SPAG17: variants seen among roughly 807,000 people sequenced by gnomAD.
The protein encoded by SPAG17 is sperm-associated antigen 17.
In SPAG17, 169 loss-of-function variants were observed where a neutral mutation model predicts 273.6. That is an observed-to-expected ratio of 0.62 (90% CI 0.55 to 0.70). The LOEUF is 0.70. Among genes scored for constraint, SPAG17 ranks in the 30% least tolerant of loss-of-function variants. SPAG17 has a pLI of 0.00. For missense variants in SPAG17, 2,557 were observed against 2,627.8 expected, an observed-to-expected ratio of 0.97 and a Z score of 0.59; for synonymous variants, 825 against 873.2, an observed-to-expected ratio of 0.94 and a Z score of 0.97.
chr1:118,117,368 G>T (rs1657151479), intron 3 of SPAG17, among the ~76,000 whole-genome samples: 1 of 152,126 alleles, frequency 6.6e-6, no homozygotes, highest in Non-Finnish European at 1.5e-5. Context: ...TGTCTCTGGA[G>T]GTGATTTCTC....
chr1:118,171,232 T>G (rs575007438), intron 1 of SPAG17, among the ~76,000 whole-genome samples: 3 of 152,298 alleles, frequency 2.0e-5, no homozygotes, highest in African/African-American at 7.2e-5. Context: ...AAGGTCCATG[T>G]AAAATGTTAT....
chr1:118,015,777 C>T (rs2101800743), intron 29 of SPAG17, among the ~76,000 whole-genome samples, 188 bp downstream of exon 29: 1 of 152,268 alleles, frequency 6.6e-6, no homozygotes, highest in South Asian at 2.1e-4. Flanking sequence ...CTCCATTTGG[C>T]AAATACACCA....
At chr1:118,028,822 G>C (rs865986430) in intron 25 of SPAG17, among the ~76,000 whole-genome samples, 23 of 152,168 alleles carry the variant, frequency 1.5e-4, no homozygotes, top group African/African-American at 5.3e-4. Context: ...TTAAAGGTGG[G>C]GCAGTTTAGA....
intron 28 of SPAG17, among the ~76,000 whole-genome samples, chr1:118,020,870 A>G (rs1264744314): frequency 1.3e-5 from 2 of 152,168 alleles, no homozygotes; most frequent in Admixed American, 1.3e-4. Flanking sequence ...TAACATGAAA[A>G]TTATATAAAA....
At chr1:118,099,154 A>G (rs1655901134) in intron 6 of SPAG17, among the ~76,000 whole-genome samples, 1 of 152,204 alleles carries the variant, frequency 6.6e-6, no homozygotes, top group African/African-American at 2.4e-5. Flanking sequence ...TAAGGCTAGG[A>G]AGATAGCACC....
intron 44 of SPAG17, 86 bp from the exon 45 acceptor site, chr1:117,972,133 AT>A: frequency 8.4e-7 from 1 of 1,185,180 alleles, no homozygotes; most frequent in Non-Finnish European, 1.2e-6. Context: ...CCAGAGGAAA[AT>A]AACTGTTGGG....
intron 24 of SPAG17, among the ~76,000 whole-genome samples, chr1:118,033,690 C>A (rs1204053141): frequency 1.3e-5 from 2 of 152,226 alleles, no homozygotes; most frequent in Non-Finnish European, 2.9e-5. Flanking sequence ...TCTTCACAAT[C>A]TGGTCTTCAC....
intron 32 of SPAG17, among the ~76,000 whole-genome samples, chr1:117,999,655 C>A (rs548466658): frequency 6.6e-6 from 1 of 152,202 alleles, no homozygotes; most frequent in African/African-American, 2.4e-5. Flanking sequence ...ATATCCTGTG[C>A]CCACTTTTTG....
At chr1:118,022,277 T>A (rs1660573574) in intron 28 of SPAG17, among the ~76,000 whole-genome samples, 1 of 152,192 alleles carries the variant, frequency 6.6e-6, no homozygotes, top group Non-Finnish European at 1.5e-5. Flanking sequence ...CACAGAGGAT[T>A]AGCTGATTTA....
At chr1:118,025,448 G>C (rs748698033) in intron 26 of SPAG17, 32 bp from the exon 27 acceptor site, 1 of 1,422,110 alleles carries the variant, frequency 7.0e-7, no homozygotes, top group East Asian at 2.4e-5. Flanking sequence ...CTTGTGAACT[G>C]GACAATGCTG....
At chr1:118,127,522 G>A (rs1161638279) in intron 3 of SPAG17, among the ~76,000 whole-genome samples, 1 of 152,194 alleles carries the variant, frequency 6.6e-6, no homozygotes, top group Non-Finnish European at 1.5e-5. Context: ...CCATTCATGA[G>A]GAATTCAACC....
chr1:118,177,984 A>G (rs920767873), intron 1 of SPAG17, among the ~76,000 whole-genome samples: 19 of 152,314 alleles, frequency 1.2e-4, no homozygotes, highest in African/African-American at 4.3e-4. Flanking sequence ...ATTCTATTGA[A>G]CATTTAAAGT....
chr1:117,996,371 T>G lies in SPAG17; in HGVS notation c.5052A>C (p.Pro1684=), dbSNP rs1657657725. Residue 1684 remains proline (P), a splice_region_variant and synonymous_variant, in exon 34 of 49, where the codon CCA becomes CCC. Coordinates refer to ENST00000336338, the MANE Select transcript of SPAG17 (RefSeq NM_206996.4). ...VVLQEPVQEQ[P]GTLTITVLRP... is the part of the protein sequence containing the mutation. ...TTCCAGACAGTATGGGTCCTCTACC[T>G]GGCTGTTCCTGCACTGGCTCTTGGA... 5 of 1,611,186 alleles carry G rather than the reference T, an allele frequency of 3.1e-6. No individual in the cohort carries two copies. In the South Asian group the frequency reaches 4.4e-5, roughly 14 times the overall value.
intron 32 of SPAG17, among the ~76,000 whole-genome samples, chr1:117,998,280 C>CATTT (rs1657883703): frequency 6.6e-6 from 1 of 152,096 alleles, no homozygotes; most frequent in South Asian, 2.1e-4. Context: ...TATAGCTAGC[C>CATTT]ATTTATCCCA....
chr1:118,172,957 A>G (rs1660487695), intron 1 of SPAG17, among the ~76,000 whole-genome samples: 1 of 152,198 alleles, frequency 6.6e-6, no homozygotes, highest in African/African-American at 2.4e-5. Flanking sequence ...AATTTTTTAT[A>G]AATTGTCATG....
At chr1:118,057,310 A>G (rs1163812390) in intron 18 of SPAG17, among the ~76,000 whole-genome samples, 1 of 152,100 alleles carries the variant, frequency 6.6e-6, no homozygotes, top group African/African-American at 2.4e-5. Flanking sequence ...TCTTGCTAGG[A>G]TTTCTGCAAT....
At chr1:118,080,362 T>C (rs1654444886) in intron 15 of SPAG17, among the ~76,000 whole-genome samples, 1 of 151,988 alleles carries the variant, frequency 6.6e-6, no homozygotes, top group Non-Finnish European at 1.5e-5. Context: ...ACCACAGAGA[T>C]TGAAAAGAGC....
At chr1:118,004,476 C>T (rs547717453) in intron 32 of SPAG17, among the ~76,000 whole-genome samples, 54 of 152,212 alleles carry the variant, frequency 3.5e-4, no homozygotes, top group Middle Eastern at 3.2e-3. Context: ...TTGCCCATTT[C>T]GAGCTTCCTG....
chr1:118,010,249 A>G (rs904542093), intron 30 of SPAG17, among the ~76,000 whole-genome samples: 2 of 151,962 alleles, frequency 1.3e-5, no homozygotes, highest in African/African-American at 4.8e-5. Context: ...ATTAAAAATG[A>G]TAAGTACAAA....
Sources: gnomAD v4.1 joint callset for allele counts (sites outside exome capture counted in the v4.1 genomes callset) on GRCh38, gnomAD v4.1.1 for gene constraint, MANE v1.5 for transcripts, NCBI Gene and HGNC (gene_info 2026-07-23, HGNC 2026-07-21) for gene names.